The following DCTN4 variants were observed in gnomAD, a reference collection of about 807,000 sequenced individuals.
The protein encoded by DCTN4 is dynactin 4 (p62).
DCTN4 carries 23 observed loss-of-function variants against 62.7 expected under a neutral mutation model. The observed-to-expected ratio is 0.37, with a 90% CI of 0.26 to 0.52. The LOEUF (loss-of-function observed/expected upper bound fraction) is 0.52, where lower values mean the gene tolerates loss of function less well. DCTN4 is among the 20% of genes least tolerant of loss of function. The pLI is 0.92. For missense variants in DCTN4, 514 were observed against 580.4 expected (o/e 0.89, Z 1.18); for synonymous variants, 199 against 202.1 (o/e 0.98, Z 0.13).
intron 5 of DCTN4, chr5:150,731,952 T>G (rs1232091178): frequency 1.9e-6 from 3 of 1,540,934 alleles, no homozygotes; most frequent in Admixed American, 3.9e-5. Context: ...AGACAAAAAA[T>G]GCAGCATAAG....
chr5:150,711,117 G>A lies in DCTN4; in HGVS notation c.*32C>T, dbSNP rs1218073799. 3 of 1,595,228 alleles carry A rather than the reference G, an allele frequency of 1.9e-6. No individual in the cohort carries two copies. Among genetic ancestry groups the A allele is most frequent in the Non-Finnish European group, 1.7e-6 (2 of 1,164,786 alleles). ...TTTAACGCAGGTTTACGGTGATACTGTCCTTTGGGATCTGCCCTCCAGTGG... is the reference window on the plus strand; with the variant it reads ...TTTAACGCAGGTTTACGGTGATACTATCCTTTGGGATCTGCCCTCCAGTGG... On this transcript the variant is annotated 3_prime_UTR_variant, in exon 13 of 13. Transcript: ENST00000447998.
intron 1 of DCTN4, among the ~76,000 whole-genome samples, chr5:150,757,442 C>T (rs567961089): frequency 6.6e-6 from 1 of 152,282 alleles, no homozygotes; most frequent in African/African-American, 2.4e-5. Flanking sequence ...TCATCTTTCC[C>T]TAAACTCTAA....
chr5:150,732,020 T>C lies in DCTN4; in HGVS notation c.538-531A>G, dbSNP rs1760391352. Reference sequence around the variant, plus strand: ...ATGGGAAAATTGGAAGAATAATTCATTTAATTCAAATTCTACCTCTAAATA... The same window carrying C: ...ATGGGAAAATTGGAAGAATAATTCACTTAATTCAAATTCTACCTCTAAATA... On this transcript the variant is annotated intron_variant, in intron 5 of 12. Transcript: ENST00000447998. 6.6e-6 allele frequency: 6 copies of C among 908,504 alleles called. No homozygotes were observed. In the Admixed American group the frequency reaches 1.2e-4, roughly 18 times the overall value. 56.3% of individuals were successfully genotyped at this position (908,504 alleles called of 1,614,324 possible). A position where few individuals can be genotyped will look rare whatever the true frequency, so the allele number is the denominator to read the frequency against.
intron 6 of DCTN4, 129 bp from the exon 7 acceptor site, chr5:150,731,285 G>A (rs35853932): frequency 5.1e-5 from 50 of 980,520 alleles, no homozygotes; most frequent in Non-Finnish European, 1.1e-5. Context: ...GTATAGCGTA[G>A]GTCTTTTCTA....
intron 8 of DCTN4, among the ~76,000 whole-genome samples, chr5:150,727,006 C>A (rs2113031109): frequency 6.6e-6 from 1 of 152,212 alleles, no homozygotes; most frequent in Middle Eastern, 3.4e-3. Context: ...GAAGCACAAA[C>A]CCCAGGTACT....
intron 7 of DCTN4, 134 bp from the exon 8 acceptor site, chr5:150,730,874 G>A: frequency 1.2e-6 from 1 of 867,342 alleles, no homozygotes; most frequent in Non-Finnish European, 1.8e-6. Context: ...ATAGAAAGTT[G>A]ACATTTTAGA....
At chr5:150,722,628 T>C (rs1252589518) in intron 9 of DCTN4, among the ~76,000 whole-genome samples, 1 of 152,212 alleles carries the variant, frequency 6.6e-6, no homozygotes, top group Non-Finnish European at 1.5e-5. Context: ...TAATTTGTAA[T>C]GATGACTAGT....
chr5:150,757,850 C>CT (rs1433190876), intron 1 of DCTN4: 64 of 154,152 alleles, frequency 4.2e-4, no homozygotes, highest in Middle Eastern at 3.3e-3. Context: ...AAAAAACACT[C>CT]TGAGTTAGGC....
chr5:150,756,348 T>C, intron 2 of DCTN4, 69 bp downstream of exon 2: 1 of 1,219,344 alleles, frequency 8.2e-7, no homozygotes, highest in Non-Finnish European at 1.2e-6. Context: ...CCATGTGTCT[T>C]TTTAACTAGC....
chr5:150,734,685 A>G (rs1335147461), intron 4 of DCTN4, among the ~76,000 whole-genome samples: 1 of 152,230 alleles, frequency 6.6e-6, no homozygotes, highest in Admixed American at 6.5e-5. Flanking sequence ...ATATGAGCAC[A>G]TAAGCCACAG....
chr5:150,731,333 G>T, intron 6 of DCTN4, 83 bp downstream of exon 6: 1 of 1,183,808 alleles, frequency 8.4e-7, no homozygotes, highest in Non-Finnish European at 1.3e-6. Context: ...AACTGTGTGT[G>T]TGTGTGTGTT....
chr5:150,758,571 A>T (rs1752947561), intron 1 of DCTN4: 4 of 1,147,206 alleles, frequency 3.5e-6, no homozygotes, highest in Non-Finnish European at 4.3e-6. Context: ...CTTTCTCCGT[A>T]GTCCACCCAA....
At position 150,731,016 on chromosome 5, in the gene DCTN4, A is replaced by T. The variant is rs772861285; in HGVS notation, c.724+28T>A. 113 of 1,363,424 alleles carry T rather than the reference A, an allele frequency of 8.3e-5. No individual in the cohort carries two copies. The East Asian group carries it at 2.6e-3, about 31-fold the overall frequency. 84.5% of individuals were successfully genotyped at this position (1,363,424 alleles called of 1,614,324 possible). ...AAAACAGAATTAGATGTAGACTAGA[A>T]ACAAAGTAGAAAAACACAGAAAATT... On this transcript the variant is annotated intron_variant, in intron 7 of 12. Transcript: ENST00000447998.
chr5:150,718,635 C>T (rs75338120), intron 10 of DCTN4, among the ~76,000 whole-genome samples: 2,339 of 152,028 alleles, frequency 0.015, 30 homozygotes, highest in Middle Eastern at 0.041. Context: ...GTTACTAGAT[C>T]CAGAAATTCT....
intron 3 of DCTN4, among the ~76,000 whole-genome samples, chr5:150,752,809 T>C (rs897526461): frequency 3.9e-5 from 6 of 152,206 alleles, no homozygotes; most frequent in Non-Finnish European, 7.4e-5. Flanking sequence ...TGAGTATTCA[T>C]CTTTAGCCTG....
At chr5:150,742,024 G>C (rs775114560) in intron 4 of DCTN4, 90 bp downstream of exon 4, 2 of 1,079,110 alleles carry the variant, frequency 1.9e-6, no homozygotes, top group Non-Finnish European at 2.9e-6. Context: ...TATAAACACA[G>C]CTCATATCTA....
Position 150,733,468 on chromosome 5 carries a change from T to A in DCTN4, c.437A>T (p.Lys146Ile). 6.2e-7 allele frequency: 1 copy of A among 1,612,798 alleles called. No homozygotes were observed. The highest frequency in any genetic ancestry group is 8.5e-7 in the Non-Finnish European group (1 of 1,179,482). ...AAGCTGCTGGTAATATTCAATCAAT[T>A]TGTTCATCTGTAAGAAAATCACAGA... Reference protein sequence around the residue: ...PENPHTQRMNKLIEYYQQLAQ... With the variant: ...PENPHTQRMNILIEYYQQLAQ... Residue 146 changes from lysine (K) to isoleucine (I), a missense_variant, in exon 5 of 13, where the codon AAA (lysine) becomes ATA (isoleucine). By Grantham distance (102) the Lys-to-Ile change is moderately radical. Transcript: ENST00000447998.
Position 150,748,175 on chromosome 5 carries a change from C to G in DCTN4, c.385+5304G>C, listed in dbSNP as rs372903967. Among the ~76,000 whole-genome samples, 15 of 152,134 alleles carry G rather than the reference C, an allele frequency of 9.9e-5. No individual in the cohort carries two copies. The East Asian group carries it at 2.1e-3, about 22-fold the overall frequency. ...AGAAGACATTTATGCAGCCAAAAGA[C>G]ACATGAAAAAATGCTCATCATCACT... On this transcript the variant is annotated intron_variant, in intron 3 of 12. Transcript: ENST00000447998.
At chr5:150,712,215 C>T (rs570529003) in intron 12 of DCTN4, among the ~76,000 whole-genome samples, 4 of 151,482 alleles carry the variant, frequency 2.6e-5, no homozygotes, top group African/African-American at 7.3e-5. Context: ...CCGCAACCTC[C>T]GCCTCCTGGG....
Sources: allele counts gnomAD v4.1 joint callset (sites outside exome capture counted in the v4.1 genomes callset), GRCh38; gene constraint gnomAD v4.1.1; transcripts MANE v1.5; gene names NCBI Gene and HGNC (gene_info 2026-07-23, HGNC 2026-07-21).